AK9: variants seen among roughly 807,000 people sequenced by gnomAD.
AK9 encodes adenylate kinase 9.
AK9 carries 191 observed loss-of-function variants against 239.6 expected under a neutral mutation model. The observed-to-expected ratio is 0.80, with a 90% CI of 0.71 to 0.90. The LOEUF is 0.90. AK9 is among the 40% of genes least tolerant of loss of function. AK9 has a pLI of 0.00. For synonymous variants in AK9, 689 were observed against 721.0 expected (o/e 0.96, Z 0.71); for missense variants, 1,995 against 2,214.7 (o/e 0.90, Z 1.99).
chr6:109,578,202 G>A (rs1350865047), intron 20 of AK9, among the ~76,000 whole-genome samples: 3 of 150,758 alleles, frequency 2.0e-5, no homozygotes, highest in Non-Finnish European at 4.4e-5. Context: ...CCCAAAGTGC[G>A]GGATTACAGG....
In AK9 at chr6:109,563,676, T is replaced by C. The variant is rs1358915852; in HGVS notation, c.2672A>G (p.Glu891Gly). 1 of 1,550,748 alleles carries C rather than the reference T, an allele frequency of 6.4e-7. No individual in the cohort carries two copies. Among genetic ancestry groups the C allele is most frequent in the African/African-American group, 1.4e-5 (1 of 73,006 alleles). The change falls in exon 24 of 41, where the codon GAA becomes GGA. Residue 891 changes from glutamate (E) to glycine (G), a missense_variant. Glu to Gly is a moderately conservative substitution (Grantham distance 98). This residue lies in a region of AK9 where 1,290 missense variants were observed against 1,392.7 expected (regional missense o/e 0.93). Transcript: ENST00000424296. ...FQYTAWELTG[E>G]DYEEETEDYQ... Reference sequence around the variant, plus strand: ...GTCTTCTGTTTCTTCCTCATAATCTTCCCCAGTTAACTCCCATGCAGTATA... The same window carrying C: ...GTCTTCTGTTTCTTCCTCATAATCTCCCCCAGTTAACTCCCATGCAGTATA...
intron 19 of AK9, among the ~76,000 whole-genome samples, chr6:109,583,808 T>C (rs950906255): frequency 7.9e-5 from 12 of 152,288 alleles, no homozygotes; most frequent in Admixed American, 3.3e-4. Flanking sequence ...TTAATATATT[T>C]AAGATGTAGC....
chr6:109,653,911 T>G (rs1799332840), intron 8 of AK9, among the ~76,000 whole-genome samples: 1 of 152,200 alleles, frequency 6.6e-6, no homozygotes, highest in South Asian at 2.1e-4. Context: ...TTATTTTTAA[T>G]ACAAAATCCA....
chr6:109,632,868 T>TAGAC (rs751713183), intron 12 of AK9, 55 bp downstream of exon 12: 2 of 1,499,620 alleles, frequency 1.3e-6, no homozygotes, highest in South Asian at 1.3e-5. Flanking sequence ...TAGACATAGA[T>TAGAC]AGATAGATAG....
At chr6:109,619,354 T>C in intron 12 of AK9, 118 bp from the exon 13 acceptor site, 1 of 1,128,348 alleles carries the variant, frequency 8.9e-7, no homozygotes, top group South Asian at 2.2e-5. Flanking sequence ...AAAATATTAA[T>C]ACTGCTTGAG....
chr6:109,611,986 C>A, intron 16 of AK9, 24 bp downstream of exon 16: 1 of 1,412,826 alleles, frequency 7.1e-7, no homozygotes, highest in South Asian at 1.3e-5. Context: ...CTAAAAGAAT[C>A]AAATTATACA....
At chr6:109,640,248 A>G (rs1797234625) in intron 10 of AK9, among the ~76,000 whole-genome samples, 1 of 152,192 alleles carries the variant, frequency 6.6e-6, no homozygotes, top group African/African-American at 2.4e-5. Context: ...CAGGCATGCA[A>G]TAGTAACTCC....
intron 12 of AK9, among the ~76,000 whole-genome samples, chr6:109,620,104 A>G (rs1794637961): frequency 6.6e-6 from 1 of 152,126 alleles, no homozygotes; most frequent in South Asian, 2.1e-4. Context: ...TTATGAATAA[A>G]GCCGTGATGA....
At chr6:109,514,537 A>C in intron 31 of AK9, 100 bp from the exon 32 acceptor site, 1 of 1,047,022 alleles carries the variant, frequency 9.6e-7, no homozygotes, top group East Asian at 2.6e-5. Context: ...TAAGAAAAAA[A>C]AATTCCTTAC....
Position 109,516,033 on chromosome 6 carries a change from CATT to C in AK9, c.3886_3888del (p.Asn1296del). The C allele has an allele frequency of 6.4e-7, 1 of 1,551,060 alleles. No individual in the cohort carries two copies. The highest frequency in any genetic ancestry group is 8.7e-7 in the Non-Finnish European group (1 of 1,146,552). On this transcript the variant is annotated inframe_deletion, in exon 31 of 41. Coordinates refer to ENST00000424296, the MANE Select transcript of AK9 (RefSeq NM_001145128.3). ...TGTACAATGTGATTTCTCCGAGCTC[CATT>C]AATGGAAATTATTGGTATCAAATAC...
chr6:109,587,317 AAAC>A (rs1296689712), intron 17 of AK9, among the ~76,000 whole-genome samples: 1 of 152,222 alleles, frequency 6.6e-6, no homozygotes, highest in Non-Finnish European at 1.5e-5. Context: ...GTTTGAAACA[AAAC>A]AACATTGAGA....
chr6:109,639,341 A>G (rs1233594482), intron 10 of AK9, among the ~76,000 whole-genome samples: 1 of 152,202 alleles, frequency 6.6e-6, no homozygotes, highest in East Asian at 1.9e-4. Context: ...AAGGATTGCC[A>G]TTCTAACTGG....
chr6:109,525,461 A>C (rs2128126527), intron 29 of AK9, among the ~76,000 whole-genome samples: 1 of 152,316 alleles, frequency 6.6e-6, no homozygotes, highest in East Asian at 1.9e-4. Flanking sequence ...TAAACAAATC[A>C]ACAAGCCCAA....
chr6:109,579,836 A>T (rs1036951795), intron 19 of AK9, among the ~76,000 whole-genome samples: 2 of 152,146 alleles, frequency 1.3e-5, no homozygotes, highest in Non-Finnish European at 2.9e-5. Flanking sequence ...ACTTTGAAAA[A>T]CTTTGTCTAT....
chr6:109,545,095 G>A (rs545698955), intron 26 of AK9, among the ~76,000 whole-genome samples: 38 of 152,264 alleles, frequency 2.5e-4, no homozygotes, highest in African/African-American at 8.7e-4. Context: ...ACTTTATAGA[G>A]TTTTATACTA....
chr6:109,523,275 AT>A (rs150948556), intron 29 of AK9, among the ~76,000 whole-genome samples: 62 of 150,460 alleles, frequency 4.1e-4, no homozygotes, highest in Admixed American at 1.3e-3. Context: ...TCCTAGGGAA[AT>A]TTTTTTTTTC....
At chr6:109,527,000 C>T (rs569445203) in intron 29 of AK9, among the ~76,000 whole-genome samples, 8 of 152,210 alleles carry the variant, frequency 5.3e-5, no homozygotes, top group East Asian at 3.9e-4. Context: ...TACTCTTCTC[C>T]GAGGCGTAGT....
At chr6:109,519,230 A>G (rs1779582868) in intron 29 of AK9, among the ~76,000 whole-genome samples, 1 of 152,292 alleles carries the variant, frequency 6.6e-6, no homozygotes, top group South Asian at 2.1e-4. Flanking sequence ...ATGAGCCCCT[A>G]TGTTAATTCC....
At chr6:109,671,283 G>A (rs1770843661) in intron 5 of AK9, among the ~76,000 whole-genome samples, 1 of 152,142 alleles carries the variant, frequency 6.6e-6, no homozygotes, top group African/African-American at 2.4e-5. Flanking sequence ...ATTTCAGGTG[G>A]ATGATTTTAT....
Sources: allele counts gnomAD v4.1 joint callset (sites outside exome capture counted in the v4.1 genomes callset), GRCh38; gene constraint gnomAD v4.1.1; regional missense constraint gnomAD v4.1.1; transcripts MANE v1.5; gene names NCBI Gene and HGNC (gene_info 2026-07-23, HGNC 2026-07-21).